PIK3R1: variants seen among roughly 807,000 people sequenced by gnomAD.
The protein encoded by PIK3R1 is phosphoinositide-3-kinase regulatory subunit 1.
PIK3R1 carries 29 observed loss-of-function variants against 98.0 expected under a neutral mutation model. That is an observed-to-expected ratio of 0.30 (90% confidence interval 0.22 to 0.40). PIK3R1 has a LOEUF of 0.40. Ranked by LOEUF, PIK3R1 falls within the 10% of genes least tolerant of loss-of-function variation. The probability of loss-of-function intolerance (pLI) is 1.00; values close to 1 mark genes in which losing one functional copy is unlikely to be tolerated. For synonymous variants in PIK3R1, 282 were observed against 311.8 expected (o/e 0.90, Z 1.01); for missense variants, 596 against 872.7 (o/e 0.68, Z 3.99).
chr5:68,249,598 C>T (rs947293821), intron 2 of PIK3R1, among the ~76,000 whole-genome samples: 3 of 152,186 alleles, frequency 2.0e-5, no homozygotes, highest in Admixed American at 6.5e-5. Flanking sequence ...CACTAAATGA[C>T]ATTGGTTAAT....
chr5:68,243,951 G>A (rs978256553), intron 2 of PIK3R1, among the ~76,000 whole-genome samples: 4 of 152,116 alleles, frequency 2.6e-5, no homozygotes, highest in Non-Finnish European at 5.9e-5. Flanking sequence ...TAGGTATTCT[G>A]TTCTCTTACA....
intron 1 of PIK3R1, among the ~76,000 whole-genome samples, chr5:68,225,426 C>T (rs1263417197): frequency 1.3e-5 from 2 of 152,206 alleles, no homozygotes; most frequent in Admixed American, 1.3e-4. Context: ...ATCAGGTCAC[C>T]TGGCTTCTCT....
chr5:68,218,074 C>T (rs755581003), intron 1 of PIK3R1, among the ~76,000 whole-genome samples: 63 of 152,040 alleles, frequency 4.1e-4, no homozygotes, highest in Non-Finnish European at 8.2e-4. Flanking sequence ...CATTTTGTTT[C>T]CCATTTATTG....
chr5:68,268,772 A>G (rs748738175), intron 2 of PIK3R1, among the ~76,000 whole-genome samples: 5 of 152,166 alleles, frequency 3.3e-5, no homozygotes, highest in Non-Finnish European at 7.3e-5. Flanking sequence ...ATCTTTTTTT[A>G]TGGTGAATGC....
intron 2 of PIK3R1, among the ~76,000 whole-genome samples, chr5:68,246,238 A>G (rs969914002): frequency 3.9e-5 from 6 of 152,122 alleles, no homozygotes; most frequent in African/African-American, 1.4e-4. Flanking sequence ...TTTGGAAGTC[A>G]TAATAATGTC....
chr5:68,293,026 A>C (rs1427603186), intron 8 of PIK3R1, 75 bp from the exon 9 acceptor site: 13 of 1,243,036 alleles, frequency 1.0e-5, no homozygotes, highest in Non-Finnish European at 1.5e-5. Context: ...GCTCTAAAAA[A>C]TAGCCTATTT....
In PIK3R1 at chr5:68,263,314, GTTGT is replaced by G. The variant is rs1411899816; in HGVS notation, c.335-10073_335-10070del. On this transcript the variant is annotated intron_variant, in intron 2 of 15. Transcript: ENST00000521381. ...TCTGTATATCACAGTTTTGTGTGTTGTTGTTTTTTTTTAAGTGCATTGGTTTGGC... is the reference window on the plus strand; with the variant it reads ...TCTGTATATCACAGTTTTGTGTGTTGTTTTTTTTAAGTGCATTGGTTTGGC... Among the ~76,000 whole-genome samples, 135 of 33,198 alleles carry G rather than the reference GTTGT, an allele frequency of 4.1e-3. 1 individual carries two copies. The highest frequency in any genetic ancestry group is 0.035 in the African/African-American group (93 of 2,648). 21.8% of individuals were successfully genotyped at this position (33,198 alleles called of 152,430 possible). A position where few individuals can be genotyped will look rare whatever the true frequency, so the allele number is the denominator to read the frequency against.
intron 2 of PIK3R1, among the ~76,000 whole-genome samples, chr5:68,249,952 C>T (rs1745240768): frequency 6.6e-6 from 1 of 152,180 alleles, no homozygotes; most frequent in South Asian, 2.1e-4. Flanking sequence ...CTATTATGTG[C>T]TTACTCTATG....
At position 68,301,079 on chromosome 5, in the gene PIK3R1, A is replaced by G. The variant is rs142246069; in HGVS notation, c.*3478A>G. The stretch of plus-strand genomic sequence containing the variant: ...TGGTTTTAACAACTGTGCTTTTGCT[A>G]TGTATGGTATCCAAGTTAGTTGAAA... On this transcript the variant is annotated 3_prime_UTR_variant, in exon 16 of 16. Transcript: ENST00000521381. The G allele has an allele frequency of 4.1e-4, 95 of 231,268 alleles. No homozygotes were observed. Among genetic ancestry groups the G allele is most frequent in the Non-Finnish European group, 6.3e-4 (74 of 116,702 alleles). 14.3% of individuals were successfully genotyped at this position (231,268 alleles called of 1,614,324 possible).
chr5:68,277,954 A>G (rs1746650068), intron 4 of PIK3R1, among the ~76,000 whole-genome samples: 1 of 152,134 alleles, frequency 6.6e-6, no homozygotes, highest in South Asian at 2.1e-4. Context: ...TCCACTGAGT[A>G]CACAAGTCCC....
intron 2 of PIK3R1, among the ~76,000 whole-genome samples, chr5:68,227,640 C>A (rs1186155147): frequency 6.6e-6 from 1 of 152,186 alleles, no homozygotes. Flanking sequence ...CCACAGAACT[C>A]GGCTGAGAAG....
chr5:68,297,788 T>G lies in PIK3R1; in HGVS notation c.*187T>G. On this transcript the variant is annotated 3_prime_UTR_variant, in exon 16 of 16. Coordinates refer to ENST00000521381, the MANE Select transcript of PIK3R1 (RefSeq NM_181523.3). ...AGACATGCAGCCTAAGGCTGTATGA[T>G]GACCACACGTTCCTAAGCTGGAGTG... is the stretch of plus-strand genomic sequence containing the variant. The G allele has an allele frequency of 2.0e-6, 1 of 495,662 alleles. No homozygotes were observed. Among genetic ancestry groups the G allele is most frequent in the Admixed American group, 3.6e-5 (1 of 27,732 alleles). The allele number at this position is 495,662 out of a possible 1,614,324, so 30.7% of individuals were successfully genotyped here.
chr5:68,265,975 CT>C (rs1218500743), intron 2 of PIK3R1, among the ~76,000 whole-genome samples: 1 of 152,172 alleles, frequency 6.6e-6, no homozygotes, highest in Non-Finnish European at 1.5e-5. Context: ...CTTAAGAGTG[CT>C]TGTTCGGTCT....
At chr5:68,254,231 C>T (rs1224592781) in intron 2 of PIK3R1, among the ~76,000 whole-genome samples, 2 of 152,218 alleles carry the variant, frequency 1.3e-5, no homozygotes, top group Non-Finnish European at 2.9e-5. Context: ...AATGATTCTG[C>T]ATCCTTAACT....
intron 7 of PIK3R1, among the ~76,000 whole-genome samples, chr5:68,287,070 T>G (rs1363730564): frequency 6.6e-6 from 1 of 152,234 alleles, no homozygotes; most frequent in African/African-American, 2.4e-5. Context: ...TTTCCAGATA[T>G]TTCAAGTAAC....
At chr5:68,218,086 A>G (rs1041010787) in intron 1 of PIK3R1, among the ~76,000 whole-genome samples, 3 of 152,062 alleles carry the variant, frequency 2.0e-5, no homozygotes, top group Non-Finnish European at 4.4e-5. Flanking sequence ...CATTTATTGA[A>G]TGTTTTTTCT....
At position 68,296,264 on chromosome 5, in the gene PIK3R1, C is replaced by T. The variant is rs1450476402; in HGVS notation, c.1908C>T (p.Asn636=). 2 of 1,614,150 alleles carry T rather than the reference C, an allele frequency of 1.2e-6. No homozygotes were observed. Among genetic ancestry groups the T allele is most frequent in the South Asian group, 2.2e-5 (2 of 91,078 alleles). The change falls in exon 15 of 16, where the codon AAC becomes AAT. Residue 636 remains asparagine (N), a synonymous_variant. Coordinates refer to ENST00000521381, the MANE Select transcript of PIK3R1 (RefSeq NM_181523.3). ...VGSSNRNKAE[N]LLRGKRDGTF... is the part of the protein sequence containing the mutation. ...GCAGCAACCGAAACAAAGCTGAAAA[C>T]CTGTTGCGAGGGAAGCGAGATGGCA...
intron 7 of PIK3R1, among the ~76,000 whole-genome samples, chr5:68,288,075 T>G (rs995300364): frequency 2.0e-5 from 3 of 152,094 alleles, no homozygotes; most frequent in Non-Finnish European, 4.4e-5. Context: ...GAGGCTTTGA[T>G]TCTATTTTTT....
chr5:68,259,493 CT>C (rs1745654591), intron 2 of PIK3R1, among the ~76,000 whole-genome samples: 1 of 152,176 alleles, frequency 6.6e-6, no homozygotes, highest in Admixed American at 6.5e-5. Flanking sequence ...AACAGTGTAT[CT>C]TCTACTGTGA....
Sources: allele counts gnomAD v4.1 joint callset (sites outside exome capture counted in the v4.1 genomes callset), GRCh38; gene constraint gnomAD v4.1.1; transcripts MANE v1.5; gene names NCBI Gene and HGNC (gene_info 2026-07-23, HGNC 2026-07-21).